The following PKP4 variants were observed in gnomAD, a reference collection of about 807,000 sequenced individuals.
PKP4 encodes plakophilin-4.
Under a neutral mutation model 145.1 loss-of-function variants are expected in PKP4, and 90 were observed. The ratio of observed to expected loss-of-function variants is 0.62; its 90% confidence interval spans 0.52 to 0.74. The LOEUF (loss-of-function observed/expected upper bound fraction) is 0.74, where lower values mean the gene tolerates loss of function less well. Among genes scored for constraint, PKP4 ranks in the 30% least tolerant of loss-of-function variants. The probability of loss-of-function intolerance (pLI) is 0.00; values close to 1 mark genes in which losing one functional copy is unlikely to be tolerated. For missense variants in PKP4, 1,340 were observed against 1,482.7 expected, an observed-to-expected ratio of 0.90 and a Z score of 1.58; for synonymous variants, 563 against 577.2, an observed-to-expected ratio of 0.98 and a Z score of 0.35.
intron 3 of PKP4, among the ~76,000 whole-genome samples, chr2:158,581,947 T>C (rs1247470983): frequency 6.6e-6 from 1 of 152,238 alleles, no homozygotes; most frequent in Non-Finnish European, 1.5e-5. Flanking sequence ...TATTTACTTC[T>C]TAAAAATTAA....
intron 1 of PKP4, among the ~76,000 whole-genome samples, chr2:158,468,260 T>C (rs932233221): frequency 1.3e-5 from 2 of 152,228 alleles, no homozygotes; most frequent in African/African-American, 4.8e-5. Context: ...AAATAAAGAA[T>C]TTTGTAAGGT....
intron 1 of PKP4, among the ~76,000 whole-genome samples, chr2:158,485,422 T>G (rs892057184): frequency 6.6e-6 from 1 of 152,206 alleles, no homozygotes; most frequent in African/African-American, 2.4e-5. Context: ...TAGACCCACG[T>G]TACTATCTGA....
chr2:158,466,524 C>G (rs2105387670), intron 1 of PKP4, among the ~76,000 whole-genome samples: 2 of 151,680 alleles, frequency 1.3e-5, no homozygotes, highest in South Asian at 4.2e-4. Context: ...TGGTGAAACC[C>G]CATCTCTACT....
At chr2:158,642,758 C>CACTATACAAGGGCACAGT in intron 11 of PKP4, 59 bp downstream of exon 11, 1 of 1,283,494 alleles carries the variant, frequency 7.8e-7, no homozygotes, top group Non-Finnish European at 1.1e-6. Context: ...TGGACTGTGC[C>CACTATACAAGGGCACAGT]CTTGTATAGT....
intron 7 of PKP4, among the ~76,000 whole-genome samples, chr2:158,629,559 C>G (rs952565557): frequency 2.0e-5 from 3 of 152,176 alleles, no homozygotes; most frequent in African/African-American, 7.2e-5. Flanking sequence ...TGTCACATTG[C>G]TGTCCAGGGT....
At chr2:158,590,341 G>A (rs2049155542) in intron 3 of PKP4, among the ~76,000 whole-genome samples, 1 of 148,804 alleles carries the variant, frequency 6.7e-6, no homozygotes, top group Non-Finnish European at 1.5e-5. Context: ...GTGTGTGTGT[G>A]TGTGTGTGTG....
intron 1 of PKP4, among the ~76,000 whole-genome samples, chr2:158,520,458 T>G (rs2042276519): frequency 2.0e-5 from 3 of 152,258 alleles, no homozygotes. Context: ...CTTTAGTATT[T>G]AAGTTACTAA....
chr2:158,469,635 C>A (rs796170019), intron 1 of PKP4, among the ~76,000 whole-genome samples: 42 of 152,240 alleles, frequency 2.8e-4, no homozygotes, highest in African/African-American at 1.0e-3. Context: ...TTCAGTATTA[C>A]TTTTATGTTC....
Position 158,680,411 on chromosome 2 carries a change from T to C in PKP4, c.3331-18T>C, listed in dbSNP as rs776405541. On this transcript the variant is annotated intron_variant, in intron 21 of 21. Coordinates refer to ENST00000389759, the MANE Select transcript of PKP4 (RefSeq NM_003628.6). ...AAAAAATTGCTTTTATTTATTTGCC[T>C]TTTCATTTTGTCAACAGCATCAACA... is the stretch of plus-strand genomic sequence containing the variant. 8 of 1,560,442 alleles carry C rather than the reference T, an allele frequency of 5.1e-6. 1 individual carries two copies. The South Asian group carries it at 9.6e-5, about 19-fold the overall frequency.
intron 4 of PKP4, among the ~76,000 whole-genome samples, chr2:158,605,948 C>T (rs1225481603): frequency 1.3e-5 from 2 of 152,106 alleles, no homozygotes; most frequent in Middle Eastern, 3.2e-3. Context: ...CAAGGTTCAT[C>T]CTTATCATAG....
intron 2 of PKP4, among the ~76,000 whole-genome samples, chr2:158,552,113 G>A (rs774745477): frequency 6.6e-6 from 1 of 152,230 alleles, no homozygotes; most frequent in Non-Finnish European, 1.5e-5. Flanking sequence ...TATGAGAGAG[G>A]CAGAGAGAGA....
chr2:158,631,657 C>A, intron 7 of PKP4, 96 bp from the exon 8 acceptor site: 1 of 1,066,020 alleles, frequency 9.4e-7, no homozygotes. Context: ...TCCCAAAGTG[C>A]TGGGATTACA....
At chr2:158,614,978 A>G (rs1259675920) in intron 4 of PKP4, among the ~76,000 whole-genome samples, 1 of 151,936 alleles carries the variant, frequency 6.6e-6, no homozygotes, top group East Asian at 1.9e-4. Context: ...TGACAAAGTT[A>G]GTCTGCATGT....
intron 16 of PKP4, 81 bp from the exon 17 acceptor site, chr2:158,669,639 T>A (rs926439955): frequency 8.4e-5 from 96 of 1,139,016 alleles, no homozygotes; most frequent in Non-Finnish European, 1.1e-4. Flanking sequence ...TTTAAGAGAT[T>A]GCATGCCACC....
chr2:158,498,894 T>G (rs1471243731), intron 1 of PKP4, among the ~76,000 whole-genome samples: 3 of 151,952 alleles, frequency 2.0e-5, no homozygotes, highest in Non-Finnish European at 4.4e-5. Flanking sequence ...CAGGCACAGC[T>G]TTCTGCAGCA....
chr2:158,511,614 C>A (rs1340855508), intron 1 of PKP4, among the ~76,000 whole-genome samples: 1 of 152,048 alleles, frequency 6.6e-6, no homozygotes, highest in Non-Finnish European at 1.5e-5. Context: ...TTAACTGTCA[C>A]CTGACTTAAT....
intron 9 of PKP4, among the ~76,000 whole-genome samples, chr2:158,638,877 C>T (rs191734818): frequency 9.2e-4 from 140 of 152,292 alleles, no homozygotes; most frequent in African/African-American, 3.1e-3. Context: ...GGGTAATCTG[C>T]ATGACACCCA....
chr2:158,567,785 T>C (rs1230248363), intron 2 of PKP4, among the ~76,000 whole-genome samples: 3 of 152,184 alleles, frequency 2.0e-5, no homozygotes, highest in Non-Finnish European at 4.4e-5. Flanking sequence ...TTAATGAGTT[T>C]TTGCAGTAGT....
At chr2:158,551,740 T>C (rs573188808) in intron 2 of PKP4, among the ~76,000 whole-genome samples, 2 of 152,348 alleles carry the variant, frequency 1.3e-5, no homozygotes, top group African/African-American at 4.8e-5. Context: ...TAAAATTATG[T>C]TTAAAAGTTA....
Sources: gnomAD v4.1 joint callset for allele counts (sites outside exome capture counted in the v4.1 genomes callset) on GRCh38, gnomAD v4.1.1 for gene constraint, MANE v1.5 for transcripts, NCBI Gene and HGNC (gene_info 2026-07-23, HGNC 2026-07-21) for gene names.